Variants in ASAP1 observed in about 807,000 individuals in gnomAD.
ASAP1 encodes arf-GAP with SH3 domain, ANK repeat and PH domain-containing protein 1.
Under a neutral mutation model 145.2 loss-of-function variants are expected in ASAP1, and 43 were observed. That is an observed-to-expected ratio of 0.30 (90% confidence interval 0.23 to 0.38). ASAP1 has a LOEUF of 0.38. Among genes scored for constraint, ASAP1 ranks in the 10% least tolerant of loss-of-function variants. ASAP1 has a pLI of 1.00. For missense variants in ASAP1, 1,018 were observed against 1,355.3 expected (o/e 0.75, Z 3.91); for synonymous variants, 546 against 515.5 (o/e 1.06, Z -0.80).
intron 3 of ASAP1, among the ~76,000 whole-genome samples, chr8:130,343,994 T>A (rs1379851468): frequency 1.3e-5 from 2 of 152,230 alleles, no homozygotes; most frequent in Non-Finnish European, 2.9e-5. Flanking sequence ...ATACTTGTCC[T>A]CATTTTCTAC....
intron 5 of ASAP1, among the ~76,000 whole-genome samples, chr8:130,197,513 G>T (rs904173751): frequency 4.6e-5 from 7 of 152,192 alleles, no homozygotes; most frequent in African/African-American, 1.7e-4. Flanking sequence ...CACAGAGGTG[G>T]CTCGTTTTAC....
chr8:130,321,992 T>G (rs2137670175), intron 3 of ASAP1, among the ~76,000 whole-genome samples: 1 of 152,342 alleles, frequency 6.6e-6, no homozygotes, highest in South Asian at 2.1e-4. Flanking sequence ...CAAATTAAAC[T>G]TGCTTTGCAA....
intron 5 of ASAP1, among the ~76,000 whole-genome samples, chr8:130,212,491 C>T (rs968638893): frequency 1.8e-4 from 28 of 152,080 alleles, no homozygotes; most frequent in South Asian, 2.1e-4. Context: ...GCAAAGGCAA[C>T]GGGTTCAGAG....
rs191580623 is a variant in ASAP1, at chr8:130,298,919, G to A, written c.186+59098C>T. Among the ~76,000 whole-genome samples the A allele has an allele frequency of 7.0e-4, 107 of 152,210 alleles. 3 individuals carry two copies. The South Asian group carries it at 0.021, about 30-fold the overall frequency. Reference sequence around the variant, plus strand: ...CCGACCAGATTACAGGTATTAGGGCGGCAGAAAACACATCTGTCTTGTAGT... The same window carrying A: ...CCGACCAGATTACAGGTATTAGGGCAGCAGAAAACACATCTGTCTTGTAGT... On this transcript the variant is annotated intron_variant, in intron 3 of 29. Coordinates refer to ENST00000518721, the MANE Select transcript of ASAP1 (RefSeq NM_018482.4).
chr8:130,079,812 C>T, intron 26 of ASAP1, 90 bp downstream of exon 26: 10 of 1,355,076 alleles, frequency 7.4e-6, no homozygotes, highest in Middle Eastern at 1.8e-4. Flanking sequence ...CTTTGAGCAG[C>T]GCTGGGAAAT....
At chr8:130,353,226 T>G (rs918906010) in intron 3 of ASAP1, among the ~76,000 whole-genome samples, 1 of 152,188 alleles carries the variant, frequency 6.6e-6, no homozygotes, top group South Asian at 2.1e-4. Flanking sequence ...AATACCTCAG[T>G]AGGACTTGGA....
chr8:130,435,435 C>G (rs1189242379), intron 1 of ASAP1, among the ~76,000 whole-genome samples: 3 of 152,228 alleles, frequency 2.0e-5, no homozygotes, highest in African/African-American at 7.2e-5. Context: ...TACCACTGCC[C>G]TTGCACCTCC....
chr8:130,254,451 T>C (rs1240643723), intron 3 of ASAP1, among the ~76,000 whole-genome samples: 1 of 152,202 alleles, frequency 6.6e-6, no homozygotes, highest in Non-Finnish European at 1.5e-5. Context: ...AGCTGCGGCA[T>C]GAACCACAGT....
intron 3 of ASAP1, among the ~76,000 whole-genome samples, chr8:130,278,757 GA>G (rs1172687809): frequency 1.3e-5 from 2 of 152,310 alleles, no homozygotes; most frequent in East Asian, 3.9e-4. Flanking sequence ...AAACAGAAGA[GA>G]GGGGGAGCTG....
At chr8:130,188,975 CATT>C (rs1037164804) in intron 5 of ASAP1, among the ~76,000 whole-genome samples, 6 of 152,000 alleles carry the variant, frequency 3.9e-5, no homozygotes, top group African/African-American at 9.7e-5. Context: ...TAGCATGTAT[CATT>C]ATCTGAAATT....
chr8:130,141,189 T>C (rs957020997), intron 13 of ASAP1, among the ~76,000 whole-genome samples: 1 of 152,202 alleles, frequency 6.6e-6, no homozygotes, highest in African/African-American at 2.4e-5. Context: ...GGAGAAACTC[T>C]GGAAACGTCT....
chr8:130,127,827 T>C, intron 16 of ASAP1, 100 bp downstream of exon 16: 1 of 1,309,276 alleles, frequency 7.6e-7, no homozygotes, highest in Non-Finnish European at 1.0e-6. Flanking sequence ...TATGTGAGTG[T>C]GTCCATAGGG....
chr8:130,095,883 T>C (rs568545350), intron 24 of ASAP1, among the ~76,000 whole-genome samples: 2 of 152,270 alleles, frequency 1.3e-5, no homozygotes, highest in African/African-American at 4.8e-5. Flanking sequence ...ACTCCCAAAG[T>C]ACTGGGATTA....
chr8:130,189,997 A>G (rs1815027821), intron 5 of ASAP1, among the ~76,000 whole-genome samples: 1 of 151,884 alleles, frequency 6.6e-6, no homozygotes, highest in Non-Finnish European at 1.5e-5. Context: ...TTAAAACTGG[A>G]TTTTTTTCCT....
chr8:130,091,963 G>A lies in ASAP1; in HGVS notation c.2572+10C>T. The A allele has an allele frequency of 6.5e-7, 1 of 1,528,482 alleles. No individual in the cohort carries two copies. Among genetic ancestry groups the A allele is most frequent in the South Asian group, 1.3e-5 (1 of 78,176 alleles). The allele number at this position is 1,528,482 out of a possible 1,614,324, so 94.7% of individuals were successfully genotyped here. A position where few individuals can be genotyped will look rare whatever the true frequency, so the allele number is the denominator to read the frequency against. ...CCAGCAGCTTTGGCCCTGACTTTAG[G>A]ATAACTTACCCCAAGGAACTGCGCC... On this transcript the variant is annotated intron_variant, in intron 25 of 29. Coordinates refer to ENST00000518721, the MANE Select transcript of ASAP1 (RefSeq NM_018482.4).
At chr8:130,268,141 GTAAAT>G (rs987414142) in intron 3 of ASAP1, among the ~76,000 whole-genome samples, 1 of 152,090 alleles carries the variant, frequency 6.6e-6, no homozygotes, top group African/African-American at 2.4e-5. Flanking sequence ...AAATGATTTA[GTAAAT>G]TAAGGAACAT....
chr8:130,079,887 G>T lies in ASAP1; in HGVS notation c.2642+15C>A, dbSNP rs376417360. 4.6e-5 allele frequency: 74 copies of T among 1,611,462 alleles called. No individual in the cohort carries two copies. The African/African-American group carries it at 9.1e-4, about 20-fold the overall frequency. On this transcript the variant is annotated intron_variant, in intron 26 of 29. Coordinates refer to ENST00000518721, the MANE Select transcript of ASAP1 (RefSeq NM_018482.4). The stretch of plus-strand genomic sequence containing the variant: ...ATGGATCCAACAGGGGAAATGAAGC[G>T]CTGAGATGGCTTACCTCGACTGCTG...
intron 3 of ASAP1, among the ~76,000 whole-genome samples, chr8:130,254,269 T>C (rs774755221): frequency 6.6e-6 from 1 of 152,240 alleles, no homozygotes; most frequent in Non-Finnish European, 1.5e-5. Context: ...GATGCTTTTA[T>C]TTAATTAATA....
chr8:130,413,660 T>C (rs938255603), intron 1 of ASAP1, among the ~76,000 whole-genome samples: 4 of 152,122 alleles, frequency 2.6e-5, no homozygotes, highest in Non-Finnish European at 2.9e-5. Flanking sequence ...TCCCCAAAAA[T>C]CCATCAAAGC....
Sources: allele counts gnomAD v4.1 joint callset (sites outside exome capture counted in the v4.1 genomes callset), GRCh38; gene constraint gnomAD v4.1.1; transcripts MANE v1.5; gene names NCBI Gene and HGNC (gene_info 2026-07-23, HGNC 2026-07-21).